Variants in ADK observed in about 807,000 individuals in gnomAD.
ADK encodes adenosine kinase.
In ADK, 24 loss-of-function variants were observed where a neutral mutation model predicts 44.7. The observed-to-expected ratio is 0.54, with a 90% CI of 0.39 to 0.76. The LOEUF (loss-of-function observed/expected upper bound fraction) is 0.76. Ranked by LOEUF, ADK falls within the 30% of genes least tolerant of loss-of-function variation. The pLI is 0.00. For missense variants in ADK, 321 were observed against 425.1 expected (o/e 0.76, Z 2.15); for synonymous variants, 128 against 142.6 (o/e 0.90, Z 0.73).
At chr10:74,472,839 CT>C (rs1003086946) in intron 6 of ADK, among the ~76,000 whole-genome samples, 2 of 152,076 alleles carry the variant, frequency 1.3e-5, no homozygotes, top group African/African-American at 4.8e-5. Context: ...TCTATTTTGT[CT>C]TTTTCCACAT....
intron 3 of ADK, among the ~76,000 whole-genome samples, chr10:74,232,868 CCCG>C (rs1292993548): frequency 6.6e-6 from 1 of 152,128 alleles, no homozygotes; most frequent in Non-Finnish European, 1.5e-5. Context: ...TCGTGATCCA[CCCG>C]CCTTGCCCTC....
chr10:74,246,427 C>T (rs1845417625), intron 3 of ADK, among the ~76,000 whole-genome samples: 1 of 152,114 alleles, frequency 6.6e-6, no homozygotes, highest in Admixed American at 6.5e-5. Flanking sequence ...ATGAGTTGAG[C>T]AGATGGTTGG....
chr10:74,409,817 G>T (rs1343243988), intron 6 of ADK, among the ~76,000 whole-genome samples: 3 of 152,132 alleles, frequency 2.0e-5, no homozygotes, highest in African/African-American at 7.2e-5. Context: ...CAAAGAAACA[G>T]AAGTATATGT....
At chr10:74,508,996 C>T (rs1174109463) in intron 6 of ADK, among the ~76,000 whole-genome samples, 1 of 151,738 alleles carries the variant, frequency 6.6e-6, no homozygotes, top group Non-Finnish European at 1.5e-5. Flanking sequence ...AATATGTTAC[C>T]AAGACCAGAA....
chr10:74,377,802 C>T (rs1488522867), intron 4 of ADK, among the ~76,000 whole-genome samples: 1 of 152,142 alleles, frequency 6.6e-6, no homozygotes, highest in African/African-American at 2.4e-5. Context: ...TATACTGAGA[C>T]GTGACCAACC....
At chr10:74,398,234 T>C (rs536986108) in intron 5 of ADK, among the ~76,000 whole-genome samples, 1 of 152,254 alleles carries the variant, frequency 6.6e-6, no homozygotes, top group East Asian at 1.9e-4. Flanking sequence ...GCAACTTAAA[T>C]GCCAATTTCT....
intron 7 of ADK, among the ~76,000 whole-genome samples, chr10:74,546,862 A>AT (rs1849837132): frequency 6.6e-6 from 1 of 152,084 alleles, no homozygotes. Flanking sequence ...CCTTTAAGCG[A>AT]TTTTTTAAAA....
intron 4 of ADK, among the ~76,000 whole-genome samples, chr10:74,328,805 A>G (rs909130430): frequency 6.6e-6 from 1 of 152,078 alleles, no homozygotes; most frequent in Non-Finnish European, 1.5e-5. Flanking sequence ...TTTTCTTTAT[A>G]AATTACTCAG....
At chr10:74,370,339 T>C (rs1299685856) in intron 4 of ADK, among the ~76,000 whole-genome samples, 2 of 152,208 alleles carry the variant, frequency 1.3e-5, no homozygotes, top group Admixed American at 1.3e-4. Context: ...GAATGAGTTG[T>C]CTGAACTCAC....
Position 74,702,563 on chromosome 10 carries a change from C to CCTT in ADK, c.965-5756_965-5754dup, listed in dbSNP as rs1251015467. Among the ~76,000 whole-genome samples, 18 of 149,686 alleles carry CCTT rather than the reference C, an allele frequency of 1.2e-4. 1 individual carries two copies. The South Asian group carries it at 3.6e-3, about 30-fold the overall frequency. ...TCCTTCCTTCCTTCCTTCCTTCCTT[C>CCTT]CTTCCTTCCTCTCTCTCTCTCTGGT... is the stretch of plus-strand genomic sequence containing the variant. On this transcript the variant is annotated intron_variant, in intron 10 of 10. Transcript: ENST00000539909.
At chr10:74,188,604 G>A (rs920388397) in intron 1 of ADK, among the ~76,000 whole-genome samples, 8 of 151,894 alleles carry the variant, frequency 5.3e-5, no homozygotes, top group Middle Eastern at 3.4e-3. Flanking sequence ...TGCCTGCCTC[G>A]GCCTCTCAAA....
intron 7 of ADK, among the ~76,000 whole-genome samples, chr10:74,587,526 A>G (rs536869729): frequency 6.6e-6 from 1 of 152,166 alleles, no homozygotes; most frequent in African/African-American, 2.4e-5. Flanking sequence ...AGGTGCATAC[A>G]TGTATTTTTT....
intron 7 of ADK, among the ~76,000 whole-genome samples, chr10:74,579,450 C>T (rs1589267145): frequency 1.3e-5 from 2 of 152,164 alleles, no homozygotes; most frequent in Non-Finnish European, 2.9e-5. Context: ...CCAGATTTAT[C>T]CTCCCTCCTC....
At chr10:74,578,997 G>A (rs1235575748) in intron 7 of ADK, among the ~76,000 whole-genome samples, 1 of 152,034 alleles carries the variant, frequency 6.6e-6, no homozygotes, top group East Asian at 1.9e-4. Context: ...ATTTTGGGAG[G>A]CCGAGGCAGG....
chr10:74,594,981 G>A lies in ADK; in HGVS notation c.763-5398G>A, dbSNP rs189203054. 3.9e-3 allele frequency among the ~76,000 whole-genome samples: 588 copies of A among 152,174 alleles called. 7 individuals carry two copies. The highest frequency in any genetic ancestry group is 0.013 in the African/African-American group (555 of 41,530). On this transcript the variant is annotated intron_variant, in intron 8 of 10. Transcript: ENST00000539909. ...ACCTGACATCAGGAGTTCGAGACCA[G>A]CCTGGCCAACATGGTGAAACCCCAT...
intron 10 of ADK, among the ~76,000 whole-genome samples, chr10:74,685,007 G>A (rs1227354081): frequency 1.3e-5 from 2 of 152,114 alleles, no homozygotes; most frequent in Non-Finnish European, 2.9e-5. Context: ...AGAGTAAGGA[G>A]TTGCTTACCT....
At chr10:74,504,423 C>T (rs1013729396) in intron 6 of ADK, among the ~76,000 whole-genome samples, 2 of 152,004 alleles carry the variant, frequency 1.3e-5, no homozygotes, top group Non-Finnish European at 2.9e-5. Flanking sequence ...AGTTGAAAAT[C>T]CATGTATAAC....
intron 7 of ADK, among the ~76,000 whole-genome samples, chr10:74,544,636 G>C (rs1000383649): frequency 3.3e-5 from 5 of 152,058 alleles, no homozygotes; most frequent in African/African-American, 1.2e-4. Context: ...CAGCATTTTG[G>C]GGGGCTGAGG....
chr10:74,527,663 C>A, intron 7 of ADK: 1 of 986,628 alleles, frequency 1.0e-6, no homozygotes, highest in Non-Finnish European at 1.6e-6. Flanking sequence ...GCATCTTCAG[C>A]CTACCAAAAC....
Sources: gnomAD v4.1 joint callset for allele counts (sites outside exome capture counted in the v4.1 genomes callset) on GRCh38, gnomAD v4.1.1 for gene constraint, MANE v1.5 for transcripts, NCBI Gene and HGNC (gene_info 2026-07-23, HGNC 2026-07-21) for gene names.